Variants in KIF1B observed in about 807,000 individuals in gnomAD.
KIF1B encodes the protein kinesin-like protein KIF1B.
KIF1B carries 76 observed loss-of-function variants against 241.9 expected under a neutral mutation model. That is an observed-to-expected ratio of 0.31 (90% confidence interval 0.26 to 0.38). KIF1B has a LOEUF of 0.38. KIF1B is among the 10% of genes least tolerant of loss of function. The pLI is 1.00. For missense variants in KIF1B, 1,622 were observed against 2,271.4 expected (o/e 0.71, Z 5.81); for synonymous variants, 750 against 796.7 (o/e 0.94, Z 0.99).
At chr1:10,356,117 C>T (rs1039103945) in intron 38 of KIF1B, among the ~76,000 whole-genome samples, 4 of 152,128 alleles carry the variant, frequency 2.6e-5, no homozygotes, top group Admixed American at 2.0e-4. Flanking sequence ...CCTGTAATCC[C>T]AGCACTTTGG....
intron 38 of KIF1B, among the ~76,000 whole-genome samples, chr1:10,355,197 G>A (rs1315198667): frequency 6.6e-6 from 1 of 152,172 alleles, no homozygotes; most frequent in Non-Finnish European, 1.5e-5. Flanking sequence ...GTTATTGTAA[G>A]TCCTCTATGG....
intron 27 of KIF1B, among the ~76,000 whole-genome samples, chr1:10,334,080 G>A (rs1284456574): frequency 6.6e-6 from 1 of 150,774 alleles, no homozygotes; most frequent in African/African-American, 2.5e-5. Flanking sequence ...GAACCCGGGA[G>A]CCGGAGGTTG....
intron 27 of KIF1B, among the ~76,000 whole-genome samples, chr1:10,333,857 A>C (rs763589209): frequency 1.3e-5 from 2 of 151,822 alleles, no homozygotes; most frequent in Non-Finnish European, 2.9e-5. Flanking sequence ...TTCTTAAATT[A>C]AAAGGTTAAG....
intron 15 of KIF1B, among the ~76,000 whole-genome samples, chr1:10,284,144 C>G (rs745330794): frequency 4.6e-5 from 7 of 151,968 alleles, no homozygotes; most frequent in Non-Finnish European, 1.0e-4. Context: ...GAGGCTGAGG[C>G]AGGAGGATCA....
chr1:10,335,292 G>A (rs1254004417), intron 28 of KIF1B, among the ~76,000 whole-genome samples: 2 of 152,046 alleles, frequency 1.3e-5, no homozygotes, highest in Admixed American at 6.5e-5. Context: ...TCGCTCTATT[G>A]CCCAGGCTGG....
chr1:10,361,908 G>A (rs1312134370), intron 40 of KIF1B, 83 bp downstream of exon 40: 17 of 1,510,650 alleles, frequency 1.1e-5, no homozygotes, highest in Non-Finnish European at 1.6e-5. Context: ...TCGGCTTACT[G>A]TCTCACGGTT....
At chr1:10,216,957 CTTTTTTTTTTTTTTTT>C (rs70998362) in intron 1 of KIF1B, among the ~76,000 whole-genome samples, 40 of 54,524 alleles carry the variant, frequency 7.3e-4, no homozygotes, top group African/African-American at 2.0e-3. Context: ...TGCCCATTTT[CTTTTTTTTTTTTTTTT>C]TTTTTTTTTT....
At chr1:10,306,741 A>G (rs1307365513) in intron 22 of KIF1B, 1 of 908,186 alleles carries the variant, frequency 1.1e-6, no homozygotes, top group East Asian at 8.7e-5. Flanking sequence ...AGGACAACAG[A>G]GTGAGAACCT....
At chr1:10,328,666 C>T (rs564604489) in intron 27 of KIF1B, among the ~76,000 whole-genome samples, 1 of 152,306 alleles carries the variant, frequency 6.6e-6, no homozygotes, top group South Asian at 2.1e-4. Flanking sequence ...GCTAATTACA[C>T]AGTTTCTAAA....
chr1:10,363,146 A>T (rs1000310621), intron 40 of KIF1B, 137 bp from the exon 41 acceptor site: 7 of 658,756 alleles, frequency 1.1e-5, no homozygotes, highest in Non-Finnish European at 1.9e-5. Flanking sequence ...ATAAGAAAAG[A>T]GCGGTGACAA....
At chr1:10,308,411 T>C (rs763174013) in intron 22 of KIF1B, 97 of 1,046,316 alleles carry the variant, frequency 9.3e-5, no homozygotes, top group Admixed American at 3.3e-4. Context: ...ATTATTACTG[T>C]AAAATGAAGT....
chr1:10,219,917 T>A (rs1646818434), intron 1 of KIF1B, among the ~76,000 whole-genome samples: 1 of 148,886 alleles, frequency 6.7e-6, no homozygotes, highest in African/African-American at 2.5e-5. Flanking sequence ...AAGATAAATT[T>A]AGTGGATGGG....
intron 45 of KIF1B, among the ~76,000 whole-genome samples, chr1:10,371,726 A>G (rs953542079): frequency 6.6e-6 from 1 of 152,212 alleles, no homozygotes; most frequent in Non-Finnish European, 1.5e-5. Flanking sequence ...TGAGGCTGGG[A>G]GTTCGAGACC....
At chr1:10,315,515 T>A (rs1463964290) in intron 22 of KIF1B, among the ~76,000 whole-genome samples, 1 of 151,466 alleles carries the variant, frequency 6.6e-6, no homozygotes, top group Non-Finnish European at 1.5e-5. Context: ...TCTAGGAAAT[T>A]TAATACTGAT....
At chr1:10,306,971 A>G in intron 22 of KIF1B, 8 of 1,040,632 alleles carry the variant, frequency 7.7e-6, no homozygotes, top group Non-Finnish European at 9.3e-6. Context: ...TGTATAATAT[A>G]TTCATTTACA....
intron 2 of KIF1B, among the ~76,000 whole-genome samples, chr1:10,238,252 G>A (rs1033935790): frequency 6.6e-6 from 1 of 150,888 alleles, no homozygotes; most frequent in Admixed American, 6.6e-5. Flanking sequence ...GTGGTGGTGG[G>A]CACCTGTAAT....
chr1:10,259,226 T>C (rs1175166079), intron 4 of KIF1B, among the ~76,000 whole-genome samples: 2 of 151,958 alleles, frequency 1.3e-5, no homozygotes, highest in Non-Finnish European at 2.9e-5. Context: ...AGAAGCGTTC[T>C]GACATAGATA....
In KIF1B at chr1:10,337,841, C is replaced by T. The variant is rs17034762; in HGVS notation, c.3422+308C>T. ...AAGCCTGTTGATGAGTCTTTCTAGT[C>T]CTCTTCATGTTGAAATGTCTTATTA... On this transcript the variant is annotated intron_variant, in intron 31 of 48. Transcript: ENST00000676179. The surrounding 1 kb of genome is among the most constrained non-coding windows in gnomAD (Gnocchi z 4.0). Among the ~76,000 whole-genome samples the T allele has an allele frequency of 0.031, 4,714 of 152,210 alleles. 237 individuals carry two copies. Among genetic ancestry groups the T allele is most frequent in the African/African-American group, 0.11 (4,473 of 41,506 alleles).
intron 7 of KIF1B, among the ~76,000 whole-genome samples, chr1:10,268,998 T>C (rs1413430948): frequency 2.6e-5 from 4 of 152,204 alleles, no homozygotes; most frequent in Non-Finnish European, 5.9e-5. Context: ...GTTAATTTTA[T>C]TGTTATTGTT....
Sources: gnomAD v4.1 joint callset for allele counts (sites outside exome capture counted in the v4.1 genomes callset) on GRCh38, gnomAD v4.1.1 for gene constraint, Gnocchi (gnomAD v3.1) non-coding constraint, MANE v1.5 for transcripts, NCBI Gene and HGNC (gene_info 2026-07-23, HGNC 2026-07-21) for gene names.